LNX1: variants seen among roughly 807,000 people sequenced by gnomAD.
LNX1 encodes the protein E3 ubiquitin-protein ligase LNX.
LNX1 carries 54 observed loss-of-function variants against 68.4 expected under a neutral mutation model. That is an observed-to-expected ratio of 0.79 (90% CI 0.63 to 0.99). The LOEUF is 0.99. LNX1 is among the 50% of genes least tolerant of loss of function. The pLI, the probability that LNX1 is intolerant of heterozygous loss-of-function variation, is 0.00. For synonymous variants in LNX1, 336 were observed against 350.0 expected, an observed-to-expected ratio of 0.96 and a Z score of 0.45; for missense variants, 906 against 926.4, an observed-to-expected ratio of 0.98 and a Z score of 0.29.
At chr4:53,461,867 T>C (rs1441411734) in intron 9 of LNX1, among the ~76,000 whole-genome samples, 1 of 152,144 alleles carries the variant, frequency 6.6e-6, no homozygotes, top group African/African-American at 2.4e-5. Flanking sequence ...ATAATCATAT[T>C]TTTAACTTAA....
rs369871933 is a variant in LNX1 at position 53,466,652 on chromosome 4, T to G, written c.1893-5059A>C. On this transcript the variant is annotated intron_variant, in intron 9 of 10. Transcript: ENST00000263925. ...TCACTTCCACCCTAATACTGTGCTG[T>G]TCCAATGGGCTTAACAAACAGCACA... Among the ~76,000 whole-genome samples the G allele has an allele frequency of 7.2e-5, 11 of 152,354 alleles. No homozygotes were observed. The East Asian group carries it at 1.5e-3, about 21-fold the overall frequency.
intron 9 of LNX1, among the ~76,000 whole-genome samples, chr4:53,471,673 A>C (rs2150571681): frequency 6.6e-6 from 1 of 152,322 alleles, no homozygotes; most frequent in South Asian, 2.1e-4. Context: ...AAAAGTGGGG[A>C]AAGGATATGA....
chr4:53,509,829 A>G (rs1289358161), intron 2 of LNX1, among the ~76,000 whole-genome samples: 1 of 152,172 alleles, frequency 6.6e-6, no homozygotes, highest in East Asian at 1.9e-4. Flanking sequence ...CATGATGCAG[A>G]CGTCACCATC....
At chr4:53,651,141 C>A (rs1283998826) in intron 1 of LNX1, among the ~76,000 whole-genome samples, 3 of 152,220 alleles carry the variant, frequency 2.0e-5, no homozygotes, top group African/African-American at 7.2e-5. Context: ...ATGCTCCTCT[C>A]CCCTCGGCTC....
At chr4:53,492,030 AC>A (rs1454563979) in intron 6 of LNX1, among the ~76,000 whole-genome samples, 1 of 151,686 alleles carries the variant, frequency 6.6e-6, no homozygotes, top group Non-Finnish European at 1.5e-5. Context: ...CAGGTGACCC[AC>A]CCGCCTCGGC....
chr4:53,623,341 C>A (rs1733955548), intron 1 of LNX1, among the ~76,000 whole-genome samples: 1 of 151,856 alleles, frequency 6.6e-6, no homozygotes, highest in Non-Finnish European at 1.5e-5. Flanking sequence ...GTAGCTGGGA[C>A]CCACCTCAGC....
intron 2 of LNX1, among the ~76,000 whole-genome samples, chr4:53,565,087 G>A (rs1456281641): frequency 2.0e-5 from 3 of 151,912 alleles, no homozygotes; most frequent in East Asian, 3.9e-4. Context: ...GCCTACCATT[G>A]CCCAGGCTTG....
chr4:53,459,576 T>A lies in LNX1; in HGVS notation c.*1331A>T. 1 of 1,364,518 alleles carries A rather than the reference T, an allele frequency of 7.3e-7. No individual in the cohort carries two copies. The highest frequency in any genetic ancestry group is 1.0e-6 in the Non-Finnish European group (1 of 982,436). The allele number at this position is 1,364,518 out of a possible 1,614,324, so 84.5% of individuals were successfully genotyped here. On this transcript the variant is annotated 3_prime_UTR_variant, in exon 11 of 11. Transcript: ENST00000263925. Reference sequence around the variant, plus strand: ...CTGTTTGTTAGTATGAAAAGTTAACTTTTTTTCCAAAATAAAAGAGTGAAT... The same window carrying A: ...CTGTTTGTTAGTATGAAAAGTTAACATTTTTTCCAAAATAAAAGAGTGAAT...
intron 2 of LNX1, among the ~76,000 whole-genome samples, chr4:53,526,574 T>C (rs1391212959): frequency 6.6e-6 from 1 of 151,748 alleles, no homozygotes; most frequent in Non-Finnish European, 1.5e-5. Context: ...TCCAGACCCC[T>C]GTGCTACTCT....
intron 1 of LNX1, chr4:53,576,115 C>T (rs1173818112): frequency 3.9e-6 from 6 of 1,552,958 alleles, no homozygotes; most frequent in Admixed American, 1.9e-5. Context: ...TGGGAGCCAG[C>T]GGCCCCTCCT....
intron 2 of LNX1, among the ~76,000 whole-genome samples, chr4:53,555,336 A>G (rs1729830846): frequency 2.0e-5 from 3 of 152,026 alleles, no homozygotes; most frequent in Admixed American, 2.0e-4. Context: ...CATCCCTGAA[A>G]TACTTCCTCT....
chr4:53,588,435 A>C (rs1732305350), intron 1 of LNX1, among the ~76,000 whole-genome samples: 1 of 152,216 alleles, frequency 6.6e-6, no homozygotes, highest in African/African-American at 2.4e-5. Context: ...GTCCCAGGTC[A>C]CACAGGTAGC....
At chr4:53,475,851 A>G (rs1266444755) in intron 9 of LNX1, among the ~76,000 whole-genome samples, 1 of 152,224 alleles carries the variant, frequency 6.6e-6, no homozygotes, top group Non-Finnish European at 1.5e-5. Flanking sequence ...ATGACAACCC[A>G]GCTACTTCCT....
At chr4:53,610,327 G>A (rs1733428963) in intron 2 of LNX1, among the ~76,000 whole-genome samples, 1 of 152,084 alleles carries the variant, frequency 6.6e-6, no homozygotes, top group Non-Finnish European at 1.5e-5. Context: ...TCCAAAAGTT[G>A]AAAGGGAAAT....
chr4:53,532,164 T>A (rs750096937), intron 2 of LNX1, among the ~76,000 whole-genome samples: 1 of 152,198 alleles, frequency 6.6e-6, no homozygotes, highest in African/African-American at 2.4e-5. Context: ...TCACAATATA[T>A]TGAGTGTTCC....
intron 2 of LNX1, among the ~76,000 whole-genome samples, chr4:53,517,731 T>C (rs545020556): frequency 4.2e-4 from 64 of 152,226 alleles, no homozygotes; most frequent in Non-Finnish European, 7.9e-4. Flanking sequence ...CCATGTTGCC[T>C]GGCACTGAAT....
chr4:53,482,454 T>C (rs1398895341), intron 6 of LNX1, among the ~76,000 whole-genome samples: 3 of 152,156 alleles, frequency 2.0e-5, no homozygotes, highest in Non-Finnish European at 2.9e-5. Context: ...TGGAATCAAC[T>C]TAAGTGCCCA....
rs574972187 is a variant in LNX1, at chr4:53,582,124, A to G, written c.-86-8036T>C. On this transcript the variant is annotated intron_variant, in intron 1 of 10. Transcript: ENST00000263925. Reference sequence around the variant, plus strand: ...AATATCAAAACTGTGGTTTGGATGCAGCTCTGCTACCAACTACTTTTTTGG... The same window carrying G: ...AATATCAAAACTGTGGTTTGGATGCGGCTCTGCTACCAACTACTTTTTTGG... Among the ~76,000 whole-genome samples, 7 of 151,852 alleles carry G rather than the reference A, an allele frequency of 4.6e-5. No homozygotes were observed. The South Asian group carries it at 6.2e-4, about 14-fold the overall frequency.
chr4:53,634,950 C>A (rs116068599), intron 1 of LNX1, among the ~76,000 whole-genome samples: 2 of 151,918 alleles, frequency 1.3e-5, no homozygotes, highest in African/African-American at 4.8e-5. Flanking sequence ...CTCAGCTTCC[C>A]ATGTTGCTGG....
Sources: gnomAD v4.1 joint callset for allele counts (sites outside exome capture counted in the v4.1 genomes callset) on GRCh38, gnomAD v4.1.1 for gene constraint, MANE v1.5 for transcripts, NCBI Gene and HGNC (gene_info 2026-07-23, HGNC 2026-07-21) for gene names.